Variants in TRRAP observed in about 807,000 individuals in gnomAD.
The protein encoded by TRRAP is transformation/transcription domain-associated protein.
Under a neutral mutation model 438.8 loss-of-function variants are expected in TRRAP, and 41 were observed. The observed-to-expected ratio is 0.09, with a 90% CI of 0.07 to 0.12. TRRAP has a LOEUF of 0.12. Among genes scored for constraint, TRRAP ranks in the 10% least tolerant of loss-of-function variants. The pLI, the probability that TRRAP is intolerant of heterozygous loss-of-function variation, is 1.00. For missense variants in TRRAP, 3,122 were observed against 5,055.1 expected (o/e 0.62, Z 11.60); for synonymous variants, 1,994 against 1,962.9 (o/e 1.02, Z -0.42).
Position 98,887,202 on chromosome 7 carries a change from G to A in TRRAP, c.151-3133G>A, listed in dbSNP as rs1231372923. ...CCTAAATAAAGTGCTAGGATTACAG[G>A]TGTGAGTCACTGTGCCCAGCCCTAC... On this transcript the variant is annotated intron_variant, in intron 3 of 72. Transcript: ENST00000456197. Among the ~76,000 whole-genome samples the A allele has an allele frequency of 3.3e-5, 5 of 152,274 alleles. No homozygotes were observed. In the East Asian group the frequency reaches 9.6e-4, roughly 29 times the overall value.
intron 3 of TRRAP, among the ~76,000 whole-genome samples, chr7:98,882,321 C>T (rs1487833193): frequency 1.3e-5 from 2 of 151,410 alleles, no homozygotes; most frequent in South Asian, 2.1e-4. Flanking sequence ...TGTTGGGATG[C>T]ACTCAGATTT....
At chr7:98,930,563 A>T (rs1790282403) in intron 24 of TRRAP, 70 bp from the exon 25 acceptor site, 1 of 1,587,280 alleles carries the variant, frequency 6.3e-7, no homozygotes, top group African/African-American at 1.3e-5. Context: ...GGGCAATAAG[A>T]GCGAAACTCT....
Position 99,005,221 on chromosome 7 carries a change from C to T in TRRAP, c.10626C>T (p.Tyr3542=), listed in dbSNP as rs757868134. 15 of 1,614,080 alleles carry T rather than the reference C, an allele frequency of 9.3e-6. No homozygotes were observed. Among genetic ancestry groups the T allele is most frequent in the Middle Eastern group, 3.3e-4 (2 of 6,084 alleles). Residue 3542 remains tyrosine (Y), a synonymous_variant, in exon 69 of 73, where the codon TAC becomes TAT. Coordinates refer to ENST00000456197, the MANE Select transcript of TRRAP (RefSeq NM_001375524.1). The surrounding 1 kb of genome is among the most constrained non-coding windows in gnomAD (Gnocchi z 5.1). ...GACACAATGGCAAGATCTACCCATA[C>T]CTCGTCATGAACGACGCCTGCCTCA... ...IRGHNGKIYP[Y]LVMNDACLTE...
chr7:98,950,213 G>A lies in TRRAP; in HGVS notation c.5285G>A (p.Arg1762His), dbSNP rs1050847976. 1.2e-6 allele frequency: 2 copies of A among 1,614,148 alleles called. No individual in the cohort carries two copies. Among genetic ancestry groups the A allele is most frequent in the Non-Finnish European group, 1.7e-6 (2 of 1,180,030 alleles). ...SIAQKRALFFRFVDFNDPNFG... is the reference protein window; with the variant it reads ...SIAQKRALFFHFVDFNDPNFG... ...GCTCAGAAACGTGCCCTGTTCTTTC[G>A]CTTTGTAGACTTCAACGACCCCAAC... Residue 1762 changes from arginine to histidine, a missense_variant, in exon 38 of 73, where the codon CGC (arginine) becomes CAC (histidine). Arg to His is a conservative substitution (Grantham distance 29). This residue lies in a region of TRRAP where 272 missense variants were observed against 348.5 expected (regional missense o/e 0.78). Coordinates refer to ENST00000456197, the MANE Select transcript of TRRAP (RefSeq NM_001375524.1).
rs1554416685 is a variant in TRRAP at position 98,945,941 on chromosome 7, A to C, written c.4539A>C (p.Glu1513Asp). 11 of 1,481,508 alleles carry C rather than the reference A, an allele frequency of 7.4e-6. No homozygotes were observed. The East Asian group carries it at 2.8e-4, about 38-fold the overall frequency. 91.8% of individuals were successfully genotyped at this position (1,481,508 alleles called of 1,614,324 possible). ...TTGTTTTGGTTCAGCCTGCCATGGA[A>C]GGGGTAGAGGTGAGAACTTGAGCGG... ...SPFCQFEPAM[E>D]GVEEMKICSA... The change falls in exon 33 of 73, where the codon GAA becomes GAC. Residue 1513 changes from glutamate (E) to aspartate (D), a missense_variant. Physicochemically the swap from Glu to Asp is conservative, Grantham distance 45 (BLOSUM62 2). Coordinates refer to ENST00000456197, the MANE Select transcript of TRRAP (RefSeq NM_001375524.1).
chr7:98,978,696 C>A, intron 57 of TRRAP, 73 bp from the exon 58 acceptor site: 3 of 1,598,302 alleles, frequency 1.9e-6, no homozygotes, highest in Non-Finnish European at 2.6e-6. Flanking sequence ...TCCTTAAAAC[C>A]CTGTCCCTGC....
rs140869162 is a variant in TRRAP at position 98,956,515 on chromosome 7, C to T, written c.6213C>T (p.Ala2071=). 1 of 1,614,072 alleles carries T rather than the reference C, an allele frequency of 6.2e-7. No individual in the cohort carries two copies. The highest frequency in any genetic ancestry group is 8.5e-7 in the Non-Finnish European group (1 of 1,179,984). ...AGGAAGTGAAACGCTTTAGGACGGC[C>T]ACCGGAGCCATCAGTGCAGTAAGAT... The part of the protein sequence containing the change: ...SAQEVKRFRT[A]TGAISAVFGR... The change falls in exon 43 of 73, where the codon GCC becomes GCT. Residue 2071 remains alanine (A), a synonymous_variant. Transcript: ENST00000456197. This position sits in a 1 kb window ranked among gnomAD's most constrained non-coding sequence, Gnocchi z 4.5.
At position 98,926,078 on chromosome 7, in the gene TRRAP, A is replaced by G. The variant is rs112247569; in HGVS notation, c.2975+815A>G. On this transcript the variant is annotated intron_variant, in intron 22 of 72. Coordinates refer to ENST00000456197, the MANE Select transcript of TRRAP (RefSeq NM_001375524.1). ...ATAAAAATTGCCCAAAAACTTAGAGAGAACCTTTAAGAAGTTGTCGAATAC... is the reference window on the plus strand; with the variant it reads ...ATAAAAATTGCCCAAAAACTTAGAGGGAACCTTTAAGAAGTTGTCGAATAC... Among the ~76,000 whole-genome samples the G allele has an allele frequency of 1.5e-3, 235 of 152,342 alleles. 1 individual carries two copies. The highest frequency in any genetic ancestry group is 5.4e-3 in the African/African-American group (226 of 41,584).
chr7:98,950,247 T>C lies in TRRAP; in HGVS notation c.5319T>C (p.Asp1773=), dbSNP rs1554417924. ...ACTTCAACGACCCCAACTTCGGAGA[T>C]GAATTAAAAGCTAAAGTGAGTCCCA... ...FVDFNDPNFG[D]ELKAKVLQHI... is the part of the protein sequence containing the mutation. Residue 1773 remains aspartate (D), a synonymous_variant, in exon 38 of 73, where the codon GAT becomes GAC. Transcript: ENST00000456197. The C allele has an allele frequency of 6.2e-7, 1 of 1,614,180 alleles. No homozygotes were observed. Among genetic ancestry groups the C allele is most frequent in the African/African-American group, 1.3e-5 (1 of 75,050 alleles).
At position 99,003,801 on chromosome 7, in the gene TRRAP, C is replaced by T. The variant is rs1214818829; in HGVS notation, c.10310-389C>T. Reference sequence around the variant, plus strand: ...TAATTCGGCTGGGCATAGTGGTTCACGCCTGTAATCCCAGCACTTTGGGAG... The same window carrying T: ...TAATTCGGCTGGGCATAGTGGTTCATGCCTGTAATCCCAGCACTTTGGGAG... On this transcript the variant is annotated intron_variant, in intron 67 of 72. Transcript: ENST00000456197. Among the ~76,000 whole-genome samples, 3 of 152,176 alleles carry T rather than the reference C, an allele frequency of 2.0e-5. No individual in the cohort carries two copies. The East Asian group carries it at 5.8e-4, about 29-fold the overall frequency.
At chr7:99,007,509 T>C (rs1794226779) in intron 69 of TRRAP, among the ~76,000 whole-genome samples, 1 of 147,190 alleles carries the variant, frequency 6.8e-6, no homozygotes, top group Non-Finnish European at 1.5e-5. Context: ...CCACCACGCC[T>C]GGCTAATTTT....
At position 98,929,976 on chromosome 7, in the gene TRRAP, T is replaced by C; in HGVS notation, c.3176-13T>C. The C allele has an allele frequency of 2.5e-6, 4 of 1,613,486 alleles. No individual in the cohort carries two copies. Among genetic ancestry groups the C allele is most frequent in the Non-Finnish European group, 3.4e-6 (4 of 1,179,582 alleles). Reference sequence around the variant, plus strand: ...AAGACTGTTCTCACGTGCCTTCCCATCTCTCCTTTTAGGCCCTTTCTTGCT... The same window carrying C: ...AAGACTGTTCTCACGTGCCTTCCCACCTCTCCTTTTAGGCCCTTTCTTGCT... On this transcript the variant is annotated splice_polypyrimidine_tract_variant and intron_variant, in intron 23 of 72. Coordinates refer to ENST00000456197, the MANE Select transcript of TRRAP (RefSeq NM_001375524.1).
At chr7:98,894,249 G>T (rs1360334819) in intron 6 of TRRAP, among the ~76,000 whole-genome samples, 1 of 152,174 alleles carries the variant, frequency 6.6e-6, no homozygotes, top group Non-Finnish European at 1.5e-5. Flanking sequence ...TGTGACATTG[G>T]TTAAGTTTGT....
intron 3 of TRRAP, 103 bp downstream of exon 3, chr7:98,882,127 G>GA: frequency 5.0e-6 from 5 of 993,144 alleles, no homozygotes; most frequent in Non-Finnish European, 7.4e-6. Context: ...AAAGATCATT[G>GA]TCTTTGTTCA....
chr7:98,890,505 A>G lies in TRRAP; in HGVS notation c.261+60A>G, dbSNP rs536969758. On this transcript the variant is annotated intron_variant, in intron 4 of 72. Coordinates refer to ENST00000456197, the MANE Select transcript of TRRAP (RefSeq NM_001375524.1). The stretch of plus-strand genomic sequence containing the variant: ...GCTGTGGGATTGTGACCAGTTACGA[A>G]TTAACTCAGAAAACTTACGGTTCCA... The G allele has an allele frequency of 1.5e-5, 18 of 1,227,312 alleles. No individual in the cohort carries two copies. In the South Asian group the frequency reaches 3.2e-4, roughly 22 times the overall value. The allele number at this position is 1,227,312 out of a possible 1,614,324, so 76.0% of individuals were successfully genotyped here. A position where few individuals can be genotyped will look rare whatever the true frequency, so the allele number is the denominator to read the frequency against.
rs191832906 is a variant in TRRAP at position 98,932,608 on chromosome 7, T to C, written c.3853-633T>C. 7.1e-3 allele frequency among the ~76,000 whole-genome samples: 1,077 copies of C among 152,230 alleles called. 8 individuals are homozygous for C. Among genetic ancestry groups the C allele is most frequent in the African/African-American group, 0.024 (1,016 of 41,524 alleles). On this transcript the variant is annotated intron_variant, in intron 26 of 72. Coordinates refer to ENST00000456197, the MANE Select transcript of TRRAP (RefSeq NM_001375524.1). ...GTCCTCCCATTTCAGCTTCCCAAAG[T>C]GTTGGGATTACAGGCGTGAGCCACC...
intron 18 of TRRAP, among the ~76,000 whole-genome samples, chr7:98,914,458 C>T (rs1789424706): frequency 6.6e-6 from 1 of 151,908 alleles, no homozygotes. Context: ...TCATATAATT[C>T]ATTATCCTCA....
At chr7:98,971,065 G>A (rs1792395717) in intron 52 of TRRAP, among the ~76,000 whole-genome samples, 1 of 152,172 alleles carries the variant, frequency 6.6e-6, no homozygotes, top group African/African-American at 2.4e-5. Flanking sequence ...TGCTGCAGGC[G>A]GGCATGGCAC....
chr7:98,992,294 A>G, intron 65 of TRRAP, 67 bp downstream of exon 65: 1 of 1,551,044 alleles, frequency 6.4e-7, no homozygotes, highest in Non-Finnish European at 8.9e-7. Context: ...CCCCACATCC[A>G]GACAGACCAC....
Sources: gnomAD v4.1 joint callset for allele counts (sites outside exome capture counted in the v4.1 genomes callset) on GRCh38, gnomAD v4.1.1 for gene constraint, gnomAD v4.1.1 regional missense constraint, Gnocchi (gnomAD v3.1) non-coding constraint, MANE v1.5 for transcripts, NCBI Gene and HGNC (gene_info 2026-07-23, HGNC 2026-07-21) for gene names.